The following C16orf89 variants were observed in gnomAD, a reference collection of about 807,000 sequenced individuals.
The protein encoded by C16orf89 is UPF0764 protein C16orf89.
Under a neutral mutation model 41.5 loss-of-function variants are expected in C16orf89, and 57 were observed. That is an observed-to-expected ratio of 1.38 (90% CI 1.11 to 1.71). The LOEUF is 1.71. Ranked by LOEUF, C16orf89 falls within the 40% of genes most tolerant of loss-of-function variation. The pLI is 0.00. For missense variants in C16orf89, 575 were observed against 445.9 expected, an observed-to-expected ratio of 1.29 and a Z score of -2.61; for synonymous variants, 223 against 190.6, an observed-to-expected ratio of 1.17 and a Z score of -1.40.
chr16:5,046,181 C>T (rs1336404878), intron 7 of C16orf89, among the ~76,000 whole-genome samples: 1 of 152,124 alleles, frequency 6.6e-6, no homozygotes, highest in African/African-American at 2.4e-5. Context: ...TTCACTCTCT[C>T]CTGTCCACCT....
rs1956250101 is a variant in C16orf89 at position 5,044,192 on chromosome 16, GC to G, written c.*155del. 2.1e-5 allele frequency: 29 copies of G among 1,390,910 alleles called. No individual in the cohort carries two copies. Among genetic ancestry groups the G allele is most frequent in the Non-Finnish European group, 2.7e-5 (29 of 1,076,568 alleles). 86.2% of individuals were successfully genotyped at this position (1,390,910 alleles called of 1,614,324 possible). A position where few individuals can be genotyped will look rare whatever the true frequency, so the allele number is the denominator to read the frequency against. ...CCCGGCCCCCACCTACCCTGGCCTT[GC>G]CTACTCAGGGCTTCCAAGATTGGGT... On this transcript the variant is annotated 3_prime_UTR_variant, in exon 8 of 8. Transcript: ENST00000472572.
At chr16:5,055,089 C>T (rs1956466561) in intron 6 of C16orf89, among the ~76,000 whole-genome samples, 157 bp downstream of exon 6, 2 of 152,208 alleles carry the variant, frequency 1.3e-5, no homozygotes, top group African/African-American at 4.8e-5. Context: ...GAGCCCGTTT[C>T]TCCTTGTGTG....
intron 7 of C16orf89, among the ~76,000 whole-genome samples, chr16:5,047,504 G>C (rs1305091176): frequency 6.8e-6 from 1 of 146,004 alleles, no homozygotes; most frequent in Non-Finnish European, 1.5e-5. Context: ...GTCTTGCTCT[G>C]TCACCTGGGC....
At chr16:5,058,342 C>T in intron 4 of C16orf89, 151 bp downstream of exon 4, 2 of 597,944 alleles carry the variant, frequency 3.3e-6, no homozygotes, top group South Asian at 2.1e-5. Context: ...CATGTTGGCC[C>T]AGCTGGTTTT....
Position 5,058,592 on chromosome 16 carries a change from G to T in C16orf89, c.528C>A (p.Pro176=). 6.2e-7 allele frequency: 1 copy of T among 1,612,048 alleles called. No individual in the cohort carries two copies. Among genetic ancestry groups the T allele is most frequent in the Non-Finnish European group, 8.5e-7 (1 of 1,179,628 alleles). Residue 176 remains proline, a synonymous_variant, in exon 4 of 8, where the codon CCC becomes CCA. Coordinates refer to ENST00000472572, the MANE Select transcript of C16orf89 (RefSeq NM_001098514.3). ...TCCTGCAGAGGTCTGAGAGGCCGCA[G>T]GGCTCGCTGCTGTCCGTCCTGGGGG... is the stretch of plus-strand genomic sequence containing the variant. ...LLGTGTDSSE[P]CGLSDLCRSL... is the part of the protein sequence containing the mutation.
In C16orf89 at chr16:5,044,208, C is replaced by T. The variant is rs1241075136; in HGVS notation, c.*140G>A. 7.1e-6 allele frequency: 10 copies of T among 1,411,424 alleles called. No homozygotes were observed. In the African/African-American group the frequency reaches 1.3e-4, roughly 19 times the overall value. 87.4% of individuals were successfully genotyped at this position (1,411,424 alleles called of 1,614,324 possible). A position where few individuals can be genotyped will look rare whatever the true frequency, so the allele number is the denominator to read the frequency against. On this transcript the variant is annotated 3_prime_UTR_variant, in exon 8 of 8. Transcript: ENST00000472572. ...CCTGGCCTTGCCTACTCAGGGCTTC[C>T]AAGATTGGGTGTCGGGGTGGCTTTG...
intron 7 of C16orf89, among the ~76,000 whole-genome samples, chr16:5,045,249 G>A (rs1956274017): frequency 6.6e-6 from 1 of 152,210 alleles, no homozygotes; most frequent in Non-Finnish European, 1.5e-5. Flanking sequence ...GGCTTGGGTA[G>A]CCGAGCTGAG....
chr16:5,063,903 G>T (rs906490327), intron 1 of C16orf89, among the ~76,000 whole-genome samples: 1 of 152,186 alleles, frequency 6.6e-6, no homozygotes, highest in Non-Finnish European at 1.5e-5. Flanking sequence ...GAGGCAGGTG[G>T]ATTACTTAAG....
intron 6 of C16orf89, among the ~76,000 whole-genome samples, chr16:5,051,769 A>C (rs918734702): frequency 6.6e-6 from 1 of 152,238 alleles, no homozygotes; most frequent in Admixed American, 6.5e-5. Context: ...TGGAAGCATC[A>C]CATTACTGGA....
chr16:5,064,517 A>C (rs1247397910), intron 1 of C16orf89, among the ~76,000 whole-genome samples: 2 of 152,224 alleles, frequency 1.3e-5, no homozygotes, highest in African/African-American at 2.4e-5. Flanking sequence ...GAGGAAACCA[A>C]AACTCCACGA....
At chr16:5,060,502 G>C (rs1956595756) in intron 2 of C16orf89, 66 bp from the exon 3 acceptor site, 1 of 1,493,414 alleles carries the variant, frequency 6.7e-7, no homozygotes, top group South Asian at 1.3e-5. Flanking sequence ...GGCCACCCTG[G>C]TGTCCCCACC....
chr16:5,061,215 T>C (rs1956613724), intron 2 of C16orf89, among the ~76,000 whole-genome samples: 1 of 137,662 alleles, frequency 7.3e-6, no homozygotes, highest in Non-Finnish European at 1.5e-5. Context: ...TGAGCCGAGA[T>C]TGCACCACTG....
At chr16:5,046,372 GAC>G (rs1956297894) in intron 7 of C16orf89, among the ~76,000 whole-genome samples, 1 of 151,022 alleles carries the variant, frequency 6.6e-6, no homozygotes, top group Non-Finnish European at 1.5e-5. Context: ...TTATTTTTGA[GAC>G]ACAGTCTCAC....
intron 1 of C16orf89, 121 bp downstream of exon 1, chr16:5,065,580 G>T: frequency 8.3e-7 from 1 of 1,206,158 alleles, no homozygotes; most frequent in Non-Finnish European, 1.2e-6. Flanking sequence ...TCTCCTTATA[G>T]CCGAGGCAGG....
rs1178916845 is a variant in C16orf89, at chr16:5,065,914, G to A, written c.-6C>T. 1.2e-6 allele frequency: 2 copies of A among 1,611,854 alleles called. No homozygotes were observed. ...AGCAGCCCCAGGCTGGCCATGGCCG[G>A]CCTCTGCTCACTGCTGGTCACACGC... On this transcript the variant is annotated 5_prime_UTR_variant, in exon 1 of 8. Transcript: ENST00000472572.
intron 6 of C16orf89, 127 bp downstream of exon 6, chr16:5,055,119 A>T: frequency 6.3e-6 from 5 of 793,650 alleles, no homozygotes; most frequent in Non-Finnish European, 1.0e-5. Context: ...GTGTGTGTGC[A>T]CCTGTAGGTT....
At chr16:5,049,065 A>C in intron 6 of C16orf89, among the ~76,000 whole-genome samples, 1 of 152,262 alleles carries the variant, frequency 6.6e-6, no homozygotes, top group African/African-American at 2.4e-5. Context: ...AAGAAGGAGT[A>C]GCTATACTTA....
chr16:5,065,517 G>T (rs140011049), intron 1 of C16orf89, among the ~76,000 whole-genome samples, 184 bp downstream of exon 1: 1 of 152,136 alleles, frequency 6.6e-6, no homozygotes, highest in Non-Finnish European at 1.5e-5. Context: ...AAAAAATTGC[G>T]TAACAGTTAG....
intron 7 of C16orf89, among the ~76,000 whole-genome samples, chr16:5,046,186 C>T (rs1331198382): frequency 6.6e-6 from 1 of 152,154 alleles, no homozygotes; most frequent in East Asian, 1.9e-4. Context: ...TCTCTCCTGT[C>T]CACCTGTAGG....
Sources: allele counts gnomAD v4.1 joint callset (sites outside exome capture counted in the v4.1 genomes callset), GRCh38; gene constraint gnomAD v4.1.1; transcripts MANE v1.5; gene names NCBI Gene and HGNC (gene_info 2026-07-23, HGNC 2026-07-21).